The following HSD17B2 variants were observed in gnomAD, a reference collection of about 807,000 sequenced individuals.
HSD17B2 encodes the protein hydroxysteroid 17-beta dehydrogenase 2.
Under a neutral mutation model 26.9 loss-of-function variants are expected in HSD17B2, and 32 were observed. The ratio of observed to expected loss-of-function variants is 1.19; its 90% CI spans 0.90 to 1.60. The LOEUF is 1.60. HSD17B2 is among the 40% of genes most tolerant of loss of function. The pLI, the probability that HSD17B2 is intolerant of heterozygous loss-of-function variation, is 0.00. For synonymous variants in HSD17B2, 246 were observed against 186.7 expected (o/e 1.32, Z -2.59); for missense variants, 613 against 468.6 (o/e 1.31, Z -2.85).
At chr16:82,067,849 G>C (rs1360207939) in intron 1 of HSD17B2, among the ~76,000 whole-genome samples, 1 of 152,158 alleles carries the variant, frequency 6.6e-6, no homozygotes, top group African/African-American at 2.4e-5. Flanking sequence ...ACTTCCATTG[G>C]ATGCCTTGGT....
chr16:82,081,827 A>G (rs1186783306), intron 3 of HSD17B2, among the ~76,000 whole-genome samples: 1 of 152,206 alleles, frequency 6.6e-6, no homozygotes, highest in African/African-American at 2.4e-5. Flanking sequence ...TCACAATAGC[A>G]AAGACACAGA....
At chr16:82,061,324 G>A (rs897030839) in intron 1 of HSD17B2, among the ~76,000 whole-genome samples, 1 of 151,816 alleles carries the variant, frequency 6.6e-6, no homozygotes, top group East Asian at 1.9e-4. Flanking sequence ...GCCAGACCTT[G>A]TTCCAATTAC....
chr16:82,073,399 T>G (rs1914742143), intron 3 of HSD17B2, among the ~76,000 whole-genome samples: 2 of 152,010 alleles, frequency 1.3e-5, no homozygotes, highest in Non-Finnish European at 1.5e-5. Context: ...AATTTTTTTG[T>G]ATTTTTAGTA....
intron 1 of HSD17B2, among the ~76,000 whole-genome samples, chr16:82,062,056 C>G (rs544138069): frequency 1.6e-4 from 24 of 152,330 alleles, no homozygotes; most frequent in Middle Eastern, 6.8e-3. Flanking sequence ...TGTTTCCGTT[C>G]ACCAGCTAAT....
intron 1 of HSD17B2, among the ~76,000 whole-genome samples, chr16:82,039,228 C>T (rs1377735906): frequency 8.7e-5 from 13 of 149,042 alleles, no homozygotes; most frequent in Non-Finnish European, 1.8e-4. Flanking sequence ...TCTGTTTTCT[C>T]CTCTGTAAAT....
intron 1 of HSD17B2, among the ~76,000 whole-genome samples, chr16:82,047,824 C>T (rs1048165970): frequency 4.6e-5 from 7 of 152,176 alleles, no homozygotes; most frequent in African/African-American, 1.7e-4. Context: ...GAGCTCCATG[C>T]AGGGAGGCAC....
rs1904923940 is a variant in HSD17B2, at chr16:82,098,477, G to C, written c.*41G>C. The C allele has an allele frequency of 1.3e-6, 2 of 1,532,946 alleles. No homozygotes were observed. The highest frequency in any genetic ancestry group is 1.3e-5 in the South Asian group (1 of 77,164). 95.0% of individuals were successfully genotyped at this position (1,532,946 alleles called of 1,614,324 possible). ...AAAGAAGTCGGAATGTCATAGTCTT[G>C]AAATGAAAGGGAAACTGGGAAACTG... On this transcript the variant is annotated 3_prime_UTR_variant, in exon 5 of 5. Transcript: ENST00000199936.
chr16:82,089,916 T>C (rs978218813), intron 3 of HSD17B2, among the ~76,000 whole-genome samples: 1 of 152,180 alleles, frequency 6.6e-6, no homozygotes, highest in Non-Finnish European at 1.5e-5. Context: ...AGTGGATCAC[T>C]CCCTTTCTTG....
chr16:82,072,797 T>C (rs536625710), intron 3 of HSD17B2, among the ~76,000 whole-genome samples: 1 of 152,318 alleles, frequency 6.6e-6, no homozygotes, highest in South Asian at 2.1e-4. Flanking sequence ...GGCTCAAGGA[T>C]GTAACTCCAG....
chr16:82,059,978 T>C (rs1914387124), intron 1 of HSD17B2, among the ~76,000 whole-genome samples: 1 of 152,202 alleles, frequency 6.6e-6, no homozygotes, highest in Non-Finnish European at 1.5e-5. Context: ...CCGACAACTG[T>C]TATCCGTTAA....
chr16:82,042,432 T>A (rs1304203695), intron 1 of HSD17B2, among the ~76,000 whole-genome samples: 4 of 152,054 alleles, frequency 2.6e-5, no homozygotes, highest in African/African-American at 9.7e-5. Flanking sequence ...GGTGGTAAGT[T>A]CCATGCAAAC....
At chr16:82,063,188 C>T (rs1456636366) in intron 1 of HSD17B2, 1 of 152,162 alleles carries the variant, frequency 6.6e-6, no homozygotes, top group African/African-American at 2.4e-5. Flanking sequence ...GAGTCTTAAC[C>T]AAGATGTTCA....
chr16:82,096,655 T>C (rs1904848081), intron 4 of HSD17B2: 1 of 152,050 alleles, frequency 6.6e-6, no homozygotes, highest in African/African-American at 2.4e-5. Context: ...CATGATATAT[T>C]ATATATGTAA....
Position 82,068,223 on chromosome 16 carries a change from T to TTCA in HSD17B2, c.320_322dup (p.Phe107_Thr108insIle). 6.2e-7 allele frequency: 1 copy of TTCA among 1,614,176 alleles called. No individual in the cohort carries two copies. Among genetic ancestry groups the TTCA allele is most frequent in the South Asian group, 1.1e-5 (1 of 91,078 alleles). On this transcript the variant is annotated inframe_insertion, in exon 2 of 5. Coordinates refer to ENST00000199936, the MANE Select transcript of HSD17B2 (RefSeq NM_002153.3). ...GTGCAAGTATCTGGATGAGCTGGGC[T>TTCA]TCACGGTATTTGCCGGAGTTTTGAA...
intron 1 of HSD17B2, among the ~76,000 whole-genome samples, chr16:82,058,308 C>G (rs578143410): frequency 2.0e-5 from 3 of 151,860 alleles, no homozygotes; most frequent in Non-Finnish European, 4.4e-5. Context: ...TGGGCTCAAG[C>G]GATTCTCCTG....
chr16:82,056,342 G>A (rs949084547), intron 1 of HSD17B2: 2 of 152,110 alleles, frequency 1.3e-5, no homozygotes, highest in Non-Finnish European at 2.9e-5. Flanking sequence ...GTTGCTTAAC[G>A]TGTTTTTACA....
chr16:82,097,848 G>C (rs960953114), intron 4 of HSD17B2: 2 of 335,434 alleles, frequency 6.0e-6, no homozygotes, highest in South Asian at 1.0e-4. Context: ...TGAGGCAAGA[G>C]AATCACTTCA....
intron 4 of HSD17B2, chr16:82,095,102 T>C (rs1218357147): frequency 1.3e-5 from 2 of 152,192 alleles, no homozygotes; most frequent in African/African-American, 4.8e-5. Flanking sequence ...CTTTGGGGAC[T>C]CTGGATAGGT....
intron 3 of HSD17B2, among the ~76,000 whole-genome samples, chr16:82,079,463 T>C (rs1366794659): frequency 1.3e-5 from 2 of 152,194 alleles, no homozygotes; most frequent in African/African-American, 4.8e-5. Flanking sequence ...CTTATAAGAA[T>C]GGCAGTCATA....
Sources: allele counts gnomAD v4.1 joint callset (sites outside exome capture counted in the v4.1 genomes callset), GRCh38; gene constraint gnomAD v4.1.1; transcripts MANE v1.5; gene names NCBI Gene and HGNC (gene_info 2026-07-23, HGNC 2026-07-21).